The following PATZ1 variants were observed in gnomAD, a reference collection of about 807,000 sequenced individuals.
PATZ1 encodes POZ-, AT hook-, and zinc finger-containing protein 1.
A neutral mutation model predicts 46.2 loss-of-function variants in PATZ1; 9 were observed. The observed-to-expected ratio is 0.19, with a 90% CI of 0.12 to 0.34. PATZ1 has a LOEUF of 0.34. PATZ1 is among the 10% of genes least tolerant of loss of function. The pLI is 1.00. For synonymous variants in PATZ1, 426 were observed against 378.6 expected, an observed-to-expected ratio of 1.13 and a Z score of -1.45; for missense variants, 632 against 923.0, an observed-to-expected ratio of 0.68 and a Z score of 4.08.
At chr22:31,341,086 C>T in intron 2 of PATZ1, 1 of 1,107,678 alleles carries the variant, frequency 9.0e-7, no homozygotes, top group Non-Finnish European at 1.1e-6. Flanking sequence ...AGCAGATAAG[C>T]TGGTGGCTAG....
intron 3 of PATZ1, 79 bp downstream of exon 3, chr22:31,335,613 G>C: frequency 7.3e-7 from 1 of 1,366,822 alleles, no homozygotes; most frequent in South Asian, 1.3e-5. Context: ...GTCTGAGGCA[G>C]GGTGATTGAG....
At chr22:31,331,645 C>G (rs2049445490) in intron 3 of PATZ1, among the ~76,000 whole-genome samples, 1 of 152,070 alleles carries the variant, frequency 6.6e-6, no homozygotes, top group African/African-American at 2.4e-5. Flanking sequence ...CCCGGCCTTT[C>G]CTTAGTTTTT....
chr22:31,343,365 C>A (rs577988305), intron 1 of PATZ1: 2 of 989,154 alleles, frequency 2.0e-6, no homozygotes, highest in Non-Finnish European at 2.4e-6. Flanking sequence ...TCCCCTCCCC[C>A]AGCCTCTCCC....
intron 2 of PATZ1, chr22:31,341,020 G>T (rs1396051538): frequency 1.9e-6 from 2 of 1,078,232 alleles, no homozygotes; most frequent in East Asian, 4.9e-5. Context: ...GAAAGGGGTG[G>T]CCAGGCCCCA....
At chr22:31,342,711 G>A (rs1012712857) in intron 2 of PATZ1, among the ~76,000 whole-genome samples, 186 bp downstream of exon 2, 3 of 152,204 alleles carry the variant, frequency 2.0e-5, no homozygotes, top group Non-Finnish European at 2.9e-5. Flanking sequence ...GTCAGCTGTG[G>A]GGGAAGGGGG....
At chr22:31,339,599 AAG>A (rs1253344037) in intron 2 of PATZ1, among the ~76,000 whole-genome samples, 1 of 152,222 alleles carries the variant, frequency 6.6e-6, no homozygotes. Flanking sequence ...CGCTGATGGG[AAG>A]AGAGTGAGCC....
At chr22:31,340,713 C>G in intron 2 of PATZ1, 2 of 1,042,504 alleles carry the variant, frequency 1.9e-6, no homozygotes, top group Non-Finnish European at 2.3e-6. Context: ...CTCCTGTTCA[C>G]CCCGCAGAGT....
chr22:31,329,505 G>A (rs2049410817), intron 3 of PATZ1, among the ~76,000 whole-genome samples: 1 of 152,180 alleles, frequency 6.6e-6, no homozygotes, highest in Admixed American at 6.5e-5. Context: ...AGCATAACAG[G>A]ATTTAGTAAC....
At position 31,328,140 on chromosome 22, in the gene PATZ1, A is replaced by G. The variant is rs1238051068; in HGVS notation, c.1645+647T>C. Among the ~76,000 whole-genome samples, 1 of 152,200 alleles carries G rather than the reference A, an allele frequency of 6.6e-6. No individual in the cohort carries two copies. The highest frequency in any genetic ancestry group is 1.5e-5 in the Non-Finnish European group (1 of 68,046). Reference sequence around the variant, plus strand: ...TCTCTGCTGTTTCTACCATCTGCCAAGCCCCTGGCCTCATCCCCAAGGCAA... The same window carrying G: ...TCTCTGCTGTTTCTACCATCTGCCAGGCCCCTGGCCTCATCCCCAAGGCAA... On this transcript the variant is annotated intron_variant, in intron 4 of 4. Coordinates refer to ENST00000266269, the MANE Select transcript of PATZ1 (RefSeq NM_014323.3). This position sits in a 1 kb window ranked among gnomAD's most constrained non-coding sequence, Gnocchi z 4.8.
At position 31,345,166 on chromosome 22, in the gene PATZ1, C is replaced by G; in HGVS notation, c.437G>C (p.Arg146Thr). The G allele has an allele frequency of 3.7e-6, 6 of 1,614,192 alleles. No individual in the cohort carries two copies. The highest frequency in any genetic ancestry group is 5.1e-6 in the Non-Finnish European group (6 of 1,180,026). ...TTCCTGGCAGATCTCGATAACCGAC[C>G]TCATCAGCAGGAACTTGGCGGCCGT... ...LMTAAKFLLMRSVIEICQEVI... is the reference protein window; with the variant it reads ...LMTAAKFLLMTSVIEICQEVI... The change falls in exon 1 of 5, where the codon AGG becomes ACG. Residue 146 changes from arginine (R) to threonine (T), a missense_variant. By Grantham distance (71) the Arg-to-Thr change is moderately conservative. This residue lies in a region of PATZ1 where 11 missense variants were observed against 53.3 expected (regional missense o/e 0.21). Coordinates refer to ENST00000266269, the MANE Select transcript of PATZ1 (RefSeq NM_014323.3). This position sits in a 1 kb window ranked among gnomAD's most constrained non-coding sequence, Gnocchi z 7.4.
chr22:31,330,960 A>C (rs2049433484), intron 3 of PATZ1, among the ~76,000 whole-genome samples: 1 of 152,224 alleles, frequency 6.6e-6, no homozygotes, highest in African/African-American at 2.4e-5. Flanking sequence ...AGTGGTTCTG[A>C]AGGGAAATGT....
At position 31,326,344 on chromosome 22, in the gene PATZ1, G is replaced by A. The variant is rs1327303811; in HGVS notation, c.*547C>T. 2 of 230,910 alleles carry A rather than the reference G, an allele frequency of 8.7e-6. No homozygotes were observed. The highest frequency in any genetic ancestry group is 4.4e-5 in the African/African-American group (2 of 45,168). 14.3% of individuals were successfully genotyped at this position (230,910 alleles called of 1,614,324 possible). A position where few individuals can be genotyped will look rare whatever the true frequency, so the allele number is the denominator to read the frequency against. On this transcript the variant is annotated 3_prime_UTR_variant, in exon 5 of 5. Transcript: ENST00000266269. ...AAGGTCTGGAGCCCTCCAGGCAGAGGGCTGAGCTCAGGGGGCTCTTGGAGG... is the reference window on the plus strand; with the variant it reads ...AAGGTCTGGAGCCCTCCAGGCAGAGAGCTGAGCTCAGGGGGCTCTTGGAGG...
rs2145830808 is a variant in PATZ1 at position 31,344,860 on chromosome 22, G to A, written c.743C>T (p.Thr248Ile). ...VAGPLSPQLL[T>I]SPFPSVASSA... Reference sequence around the variant, plus strand: ...GGATGCCACACTGGGGAATGGGGAAGTCAGCAGTTGGGGGGATAGGGGTCC... The same window carrying A: ...GGATGCCACACTGGGGAATGGGGAAATCAGCAGTTGGGGGGATAGGGGTCC... The change falls in exon 1 of 5, where the codon ACT becomes ATT. Residue 248 changes from threonine to isoleucine, a missense_variant. By Grantham distance (89) the Thr-to-Ile change is moderately conservative. Around this residue, in one of 7 missense-constraint regions of PATZ1, gnomAD observed 279 missense variants for 284.3 expected, o/e 0.98. Coordinates refer to ENST00000266269, the MANE Select transcript of PATZ1 (RefSeq NM_014323.3). The A allele has an allele frequency of 3.1e-6, 5 of 1,612,888 alleles. No homozygotes were observed. Among genetic ancestry groups the A allele is most frequent in the African/African-American group, 1.3e-5 (1 of 75,074 alleles).
At chr22:31,330,924 C>T (rs1373365332) in intron 3 of PATZ1, among the ~76,000 whole-genome samples, 1 of 152,198 alleles carries the variant, frequency 6.6e-6, no homozygotes, top group Non-Finnish European at 1.5e-5. Flanking sequence ...CTTTATTTAA[C>T]AAGTTCTCCT....
intron 1 of PATZ1, chr22:31,343,375 C>A (rs1313048948): frequency 7.1e-6 from 7 of 988,088 alleles, no homozygotes; most frequent in African/African-American, 3.5e-5. Context: ...CAGCCTCTCC[C>A]GCCACGGGCA....
At position 31,328,854 on chromosome 22, in the gene PATZ1, G is replaced by A. The variant is rs180694583; in HGVS notation, c.1578C>T (p.Ser526=). 1 of 1,613,912 alleles carries A rather than the reference G, an allele frequency of 6.2e-7. No individual in the cohort carries two copies. Among genetic ancestry groups the A allele is most frequent in the African/African-American group, 1.3e-5 (1 of 75,056 alleles). Residue 526 remains serine (S), a synonymous_variant, in exon 4 of 5, where the codon TCC becomes TCT. Transcript: ENST00000266269. The surrounding 1 kb of genome is among the most constrained non-coding windows in gnomAD (Gnocchi z 4.8). ...CATTCAGGATGGGCTCCTGGTGCCT[G>A]GAGACCTGGGGAAGGGGAACACCGT... ...THHGVPLPQV[S]RHQEPILNGG...
chr22:31,333,999 A>T (rs181338104), intron 3 of PATZ1, among the ~76,000 whole-genome samples: 1 of 152,042 alleles, frequency 6.6e-6, no homozygotes, highest in African/African-American at 2.4e-5. Flanking sequence ...TCTGAGTTTT[A>T]TCATGAGCAC....
At chr22:31,332,948 C>T (rs1349692302) in intron 3 of PATZ1, among the ~76,000 whole-genome samples, 2 of 152,218 alleles carry the variant, frequency 1.3e-5, no homozygotes, top group Non-Finnish European at 2.9e-5. Flanking sequence ...TTCCACTGTT[C>T]AACTCAACTG....
chr22:31,327,426 C>T lies in PATZ1; in HGVS notation c.1646-117G>A. 1.2e-6 allele frequency: 1 copy of T among 867,362 alleles called. No individual in the cohort carries two copies. Among genetic ancestry groups the T allele is most frequent in the Non-Finnish European group, 1.8e-6 (1 of 567,278 alleles). The allele number at this position is 867,362 out of a possible 1,614,324, so 53.7% of individuals were successfully genotyped here. A position where few individuals can be genotyped will look rare whatever the true frequency, so the allele number is the denominator to read the frequency against. On this transcript the variant is annotated intron_variant, in intron 4 of 4. Coordinates refer to ENST00000266269, the MANE Select transcript of PATZ1 (RefSeq NM_014323.3). The surrounding 1 kb of genome is among the most constrained non-coding windows in gnomAD (Gnocchi z 4.2). ...GTGGAGGGCAGCCATTGGCCAGCCA[C>T]TGCCCTGGCAGAACCCACGGAGGGT...
Sources: gnomAD v4.1 joint callset for allele counts (sites outside exome capture counted in the v4.1 genomes callset) on GRCh38, gnomAD v4.1.1 for gene constraint, gnomAD v4.1.1 regional missense constraint, Gnocchi (gnomAD v3.1) non-coding constraint, MANE v1.5 for transcripts, NCBI Gene and HGNC (gene_info 2026-07-23, HGNC 2026-07-21) for gene names.